Variants in NALCN observed in about 807,000 individuals in gnomAD.
NALCN encodes the protein sodium leak channel NALCN.
Under a neutral mutation model 225.3 loss-of-function variants are expected in NALCN, and 111 were observed. The observed-to-expected ratio is 0.49, with a 90% CI of 0.42 to 0.58. NALCN has a LOEUF of 0.58. Among genes scored for constraint, NALCN ranks in the 20% least tolerant of loss-of-function variants. The pLI, the probability that NALCN is intolerant of heterozygous loss-of-function variation, is 0.00. For missense variants in NALCN, 1,378 were observed against 2,202.4 expected (o/e 0.63, Z 7.49); for synonymous variants, 764 against 769.0 (o/e 0.99, Z 0.11).
intron 11 of NALCN, among the ~76,000 whole-genome samples, chr13:101,244,938 A>T (rs542460331): frequency 6.6e-6 from 1 of 152,204 alleles, no homozygotes; most frequent in African/African-American, 2.4e-5. Flanking sequence ...TGCCAGGGGC[A>T]TGCTGGGAGC....
intron 7 of NALCN, among the ~76,000 whole-genome samples, chr13:101,315,759 A>C (rs2044530893): frequency 6.6e-6 from 1 of 152,196 alleles, no homozygotes; most frequent in African/African-American, 2.4e-5. Flanking sequence ...TAGTAAACAC[A>C]AACACTAGAA....
intron 1 of NALCN, among the ~76,000 whole-genome samples, chr13:101,404,098 T>C (rs2047552351): frequency 6.6e-6 from 1 of 152,236 alleles, no homozygotes; most frequent in African/African-American, 2.4e-5. Flanking sequence ...ACATACTGTA[T>C]TTAAAGGCAG....
chr13:101,197,228 C>T (rs2039928798), intron 13 of NALCN, among the ~76,000 whole-genome samples: 1 of 152,110 alleles, frequency 6.6e-6, no homozygotes, highest in Non-Finnish European at 1.5e-5. Flanking sequence ...TTCTTCTTAA[C>T]TTCTTCCAGA....
intron 13 of NALCN, among the ~76,000 whole-genome samples, chr13:101,201,356 C>A (rs1009248064): frequency 3.3e-5 from 5 of 152,190 alleles, no homozygotes; most frequent in Non-Finnish European, 7.4e-5. Flanking sequence ...CTCCCTCCCT[C>A]AGCCTTTGGA....
chr13:101,380,673 T>C (rs887844489), intron 3 of NALCN, among the ~76,000 whole-genome samples: 1 of 152,152 alleles, frequency 6.6e-6, no homozygotes, highest in African/African-American at 2.4e-5. Context: ...CTACCTTTAG[T>C]AACAAATAAG....
intron 7 of NALCN, among the ~76,000 whole-genome samples, chr13:101,305,073 A>G (rs2044112318): frequency 6.6e-6 from 1 of 152,134 alleles, no homozygotes; most frequent in Admixed American, 6.6e-5. Context: ...AATAATTTTT[A>G]AAGAAAAAAT....
At chr13:101,379,674 T>C (rs570229482) in intron 3 of NALCN, among the ~76,000 whole-genome samples, 19 of 151,842 alleles carry the variant, frequency 1.3e-4, no homozygotes, top group African/African-American at 4.4e-4. Context: ...AATGAGAACA[T>C]ATGGACACAG....
chr13:101,229,288 T>C lies in NALCN; in HGVS notation c.1626+105A>G, dbSNP rs2140132293. On this transcript the variant is annotated intron_variant, in intron 13 of 43. Coordinates refer to ENST00000251127, the MANE Select transcript of NALCN (RefSeq NM_052867.4). ...TCTAATTATCCCAAGTTATCAAAAA[T>C]AGGATAATACTTCTGAATGACTAAA... 2.8e-6 allele frequency: 3 copies of C among 1,081,566 alleles called. No homozygotes were observed. The South Asian group carries it at 6.1e-5, about 22-fold the overall frequency. The allele number at this position is 1,081,566 out of a possible 1,614,324, so 67.0% of individuals were successfully genotyped here. A position where few individuals can be genotyped will look rare whatever the true frequency, so the allele number is the denominator to read the frequency against.
intron 27 of NALCN, among the ~76,000 whole-genome samples, chr13:101,099,578 T>TTTATGAA (rs2034696574): frequency 6.6e-6 from 1 of 152,346 alleles, no homozygotes; most frequent in Admixed American, 6.5e-5. Flanking sequence ...GTTGGTTTAC[T>TTTATGAA]TTATGAATTT....
At position 101,395,245 on chromosome 13, in the gene NALCN, A is replaced by G. The variant is rs201537061; in HGVS notation, c.229T>C (p.Leu77=). ...LQYVTFTLDT[L]LMFLYTAEMI... is the part of the protein sequence containing the mutation. The stretch of plus-strand genomic sequence containing the variant: ...TCTGCCGTGTAGAGAAACATCAATA[A>G]TGTATCCAAAGTGAAGGTCACATAC... The change falls in exon 3 of 44, where the codon TTA becomes CTA. Residue 77 remains leucine (L), a synonymous_variant. Coordinates refer to ENST00000251127, the MANE Select transcript of NALCN (RefSeq NM_052867.4). 47 of 1,614,058 alleles carry G rather than the reference A, an allele frequency of 2.9e-5. No homozygotes were observed. The highest frequency in any genetic ancestry group is 3.1e-5 in the Non-Finnish European group (36 of 1,179,950).
chr13:101,322,093 T>C (rs560405019), intron 7 of NALCN, among the ~76,000 whole-genome samples: 1 of 152,228 alleles, frequency 6.6e-6, no homozygotes, highest in Non-Finnish European at 1.5e-5. Flanking sequence ...TAGGATTTTT[T>C]TCTAATGAAT....
At position 101,267,803 on chromosome 13, in the gene NALCN, G is replaced by A. The variant is rs144411602; in HGVS notation, c.1135-9229C>T. Reference sequence around the variant, plus strand: ...CTCAGACTAGCAGGGCTGTTCAACTGATCCGCAAATTCATGAGCAAGAGTT... The same window carrying A: ...CTCAGACTAGCAGGGCTGTTCAACTAATCCGCAAATTCATGAGCAAGAGTT... On this transcript the variant is annotated intron_variant, in intron 10 of 43. Coordinates refer to ENST00000251127, the MANE Select transcript of NALCN (RefSeq NM_052867.4). Among the ~76,000 whole-genome samples the A allele has an allele frequency of 1.6e-3, 240 of 152,286 alleles. 3 individuals carry two copies. The highest frequency in any genetic ancestry group is 1.9e-3 in the Non-Finnish European group (128 of 68,032).
chr13:101,069,442 T>G (rs1295025130), intron 37 of NALCN, among the ~76,000 whole-genome samples: 13 of 152,214 alleles, frequency 8.5e-5, no homozygotes, highest in Non-Finnish European at 1.3e-4. Context: ...AAGCTAACAA[T>G]CATGTGAGCC....
chr13:101,293,076 A>G (rs1031474519), intron 7 of NALCN, among the ~76,000 whole-genome samples: 2 of 152,220 alleles, frequency 1.3e-5, no homozygotes, highest in African/African-American at 2.4e-5. Flanking sequence ...TAACAACACT[A>G]TAAGATGTTT....
At position 101,242,346 on chromosome 13, in the gene NALCN, A is replaced by T. The variant is rs1258815264; in HGVS notation, c.1267-4424T>A. Among the ~76,000 whole-genome samples, 9 of 104,698 alleles carry T rather than the reference A, an allele frequency of 8.6e-5. 3 individuals carry two copies. The allele number at this position is 104,698 out of a possible 152,430, so 68.7% of individuals were successfully genotyped here. On this transcript the variant is annotated intron_variant, in intron 11 of 43. Transcript: ENST00000251127. Reference sequence around the variant, plus strand: ...TTGCTAATTTCTTTCCCTATTCATTAATTTGGACGCTCGACTTGGTTTTTC... The same window carrying T: ...TTGCTAATTTCTTTCCCTATTCATTTATTTGGACGCTCGACTTGGTTTTTC...
chr13:101,100,680 A>G (rs1265700417), intron 27 of NALCN, 104 bp downstream of exon 27: 2 of 948,396 alleles, frequency 2.1e-6, no homozygotes, highest in Non-Finnish European at 3.1e-6. Flanking sequence ...TCCAGTTTCA[A>G]GTAATCTTCC....
At chr13:101,103,075 T>C (rs1327845229) in intron 26 of NALCN, 97 bp downstream of exon 26, 48 of 1,433,078 alleles carry the variant, frequency 3.3e-5, no homozygotes, top group East Asian at 6.9e-5. Flanking sequence ...ACCAAAACTA[T>C]TGAATTGACC....
chr13:101,104,316 T>C lies in NALCN; in HGVS notation c.2868A>G (p.Val956=). 4.3e-6 allele frequency: 7 copies of C among 1,611,410 alleles called. No homozygotes were observed. The highest frequency in any genetic ancestry group is 5.1e-6 in the Non-Finnish European group (6 of 1,179,152). ...TTACAAGATATATAAATATGTCCAT[T>C]ACTCCACCGAAGTCCCTGATGACAG... ...PTAVIRDFGG[V]MDIFIYLVSL... The change falls in exon 25 of 44, where the codon GTA becomes GTG. Residue 956 remains valine (V), a synonymous_variant. Coordinates refer to ENST00000251127, the MANE Select transcript of NALCN (RefSeq NM_052867.4). The surrounding 1 kb of genome is among the most constrained non-coding windows in gnomAD (Gnocchi z 4.2).
chr13:101,233,856 C>A (rs1214169946), intron 12 of NALCN, among the ~76,000 whole-genome samples: 3 of 152,148 alleles, frequency 2.0e-5, no homozygotes, highest in Non-Finnish European at 4.4e-5. Context: ...AGAACCACAG[C>A]GTTTTGCAAG....
Sources: allele counts gnomAD v4.1 joint callset (sites outside exome capture counted in the v4.1 genomes callset), GRCh38; gene constraint gnomAD v4.1.1; non-coding constraint Gnocchi (gnomAD v3.1); transcripts MANE v1.5; gene names NCBI Gene and HGNC (gene_info 2026-07-23, HGNC 2026-07-21).